The following PLA2G5 variants were observed in gnomAD, a reference collection of about 807,000 sequenced individuals.
PLA2G5 encodes phospholipase A2 group V, also known as Ca2+-dependent phospholipase A2.
Under a neutral mutation model 15.9 loss-of-function variants are expected in PLA2G5, and 12 were observed. That is an observed-to-expected ratio of 0.76 (90% CI 0.48 to 1.23). PLA2G5 has a LOEUF of 1.23. Ranked by LOEUF, PLA2G5 falls within the 50% of genes most tolerant of loss-of-function variation. The probability of loss-of-function intolerance (pLI) is 0.00; values close to 1 mark genes in which losing one functional copy is unlikely to be tolerated. For synonymous variants in PLA2G5, 71 were observed against 71.4 expected (o/e 0.99, Z 0.03); for missense variants, 169 against 177.1 (o/e 0.95, Z 0.26).
chr1:20,091,203 C>T lies in PLA2G5; in HGVS notation c.*511C>T. On this transcript the variant is annotated 3_prime_UTR_variant, in exon 5 of 5. Transcript: ENST00000375108. ...CATTTTCCTCTGCTGTGGGGGATCG[C>T]TGGTGCCTCTTTCTCTGCCACTGGG... The T allele has an allele frequency of 6.6e-6, 1 of 152,582 alleles. No homozygotes were observed. Among genetic ancestry groups the T allele is most frequent in the East Asian group, 1.9e-4 (1 of 5,212 alleles). The allele number at this position is 152,582 out of a possible 1,614,324, so 9.5% of individuals were successfully genotyped here. A position where few individuals can be genotyped will look rare whatever the true frequency, so the allele number is the denominator to read the frequency against.
At chr1:20,081,367 G>T (rs776681241) in intron 1 of PLA2G5, among the ~76,000 whole-genome samples, 29 of 151,598 alleles carry the variant, frequency 1.9e-4, no homozygotes, top group Admixed American at 4.6e-4. Flanking sequence ...TTTTCTCCAG[G>T]TATGGGGAGG....
intron 1 of PLA2G5, among the ~76,000 whole-genome samples, chr1:20,049,517 T>A (rs965169155): frequency 6.6e-6 from 1 of 152,188 alleles, no homozygotes; most frequent in African/African-American, 2.4e-5. Context: ...CCACATATCA[T>A]GGGAAGGACA....
At chr1:20,042,697 A>G (rs373576950) in intron 1 of PLA2G5, among the ~76,000 whole-genome samples, 3 of 152,126 alleles carry the variant, frequency 2.0e-5, no homozygotes, top group African/African-American at 7.2e-5. Context: ...TCCAAAGGTG[A>G]AAGTACCTGA....
intron 1 of PLA2G5, among the ~76,000 whole-genome samples, chr1:20,072,040 G>A (rs557800767): frequency 1.3e-5 from 2 of 152,150 alleles, no homozygotes; most frequent in African/African-American, 2.4e-5. Flanking sequence ...CCCAGGTGGC[G>A]GAGGTTGCAG....
At chr1:20,032,212 T>C (rs2012992843) in intron 1 of PLA2G5, among the ~76,000 whole-genome samples, 1 of 152,176 alleles carries the variant, frequency 6.6e-6, no homozygotes, top group East Asian at 1.9e-4. Flanking sequence ...GGAATGCCCA[T>C]TTAATGTTTA....
Position 20,086,177 on chromosome 1 carries a change from C to T in PLA2G5, c.135C>T (p.Gly45=). Residue 45 remains glycine, a synonymous_variant, in exon 3 of 5, where the codon GGC becomes GGT. Transcript: ENST00000375108. ...KNALTNYGFY[G]CYCGWGGRGT... ...CCCTGACAAACTACGGCTTCTACGGCTGTTACTGCGGCTGGGGCGGCCGAG... is the reference window on the plus strand; with the variant it reads ...CCCTGACAAACTACGGCTTCTACGGTTGTTACTGCGGCTGGGGCGGCCGAG... 1 of 1,614,124 alleles carries T rather than the reference C, an allele frequency of 6.2e-7. No individual in the cohort carries two copies. The highest frequency in any genetic ancestry group is 8.5e-7 in the Non-Finnish European group (1 of 1,180,012).
chr1:20,088,130 G>A (rs1187667435), intron 3 of PLA2G5, among the ~76,000 whole-genome samples: 1 of 152,248 alleles, frequency 6.6e-6, no homozygotes, highest in Non-Finnish European at 1.5e-5. Context: ...GGCCAAGACA[G>A]GTGGATGACC....
intron 2 of PLA2G5, among the ~76,000 whole-genome samples, chr1:20,060,416 G>C (rs981796378): frequency 6.6e-6 from 1 of 151,648 alleles, no homozygotes; most frequent in Non-Finnish European, 1.5e-5. Flanking sequence ...ACCACGCTAG[G>C]CTATTTTTGT....
chr1:20,051,532 A>C (rs2014177909), intron 1 of PLA2G5, among the ~76,000 whole-genome samples: 1 of 152,216 alleles, frequency 6.6e-6, no homozygotes, highest in African/African-American at 2.4e-5. Flanking sequence ...ATGGAACAAA[A>C]TTTAGAACAT....
At position 20,075,102 on chromosome 1, in the gene PLA2G5, G is replaced by A. The variant is rs187818950; in HGVS notation, c.-11+4637G>A. 1.1e-4 allele frequency among the ~76,000 whole-genome samples: 17 copies of A among 152,334 alleles called. No individual in the cohort carries two copies. In the South Asian group the frequency reaches 1.9e-3, roughly 17 times the overall value. On this transcript the variant is annotated intron_variant, in intron 1 of 4. Coordinates refer to ENST00000375108, the MANE Select transcript of PLA2G5 (RefSeq NM_000929.3). Reference sequence around the variant, plus strand: ...GACTAGTACTGGGTTTGGGGGTCACGCATGTGATTGCTGAGCTGTGTTACC... The same window carrying A: ...GACTAGTACTGGGTTTGGGGGTCACACATGTGATTGCTGAGCTGTGTTACC...
At chr1:20,070,974 C>T (rs1234422588) in intron 1 of PLA2G5, 1 of 152,168 alleles carries the variant, frequency 6.6e-6, no homozygotes, top group African/African-American at 2.4e-5. Flanking sequence ...AGATCTTTCT[C>T]CTCCCTTCCT....
intron 1 of PLA2G5, among the ~76,000 whole-genome samples, chr1:20,041,523 G>C (rs1359535374): frequency 6.6e-6 from 1 of 152,162 alleles, no homozygotes; most frequent in Admixed American, 6.5e-5. Context: ...CTCTGAGCTT[G>C]ATGTCTAGGG....
At chr1:20,084,891 C>A in intron 2 of PLA2G5, 21 bp downstream of exon 2, 1 of 1,575,346 alleles carries the variant, frequency 6.3e-7, no homozygotes, top group Non-Finnish European at 8.7e-7. Context: ...GCCCCGTGAC[C>A]TTCGAATGAA....
upstream of PLA2G5, among the ~76,000 whole-genome samples, chr1:20,065,761 G>A (rs1332781674): frequency 6.6e-6 from 1 of 152,166 alleles, no homozygotes; most frequent in Non-Finnish European, 1.5e-5. Flanking sequence ...GTTTTTGAGT[G>A]ACCATAAGTT....
chr1:20,072,497 G>T (rs2015430048), intron 1 of PLA2G5, among the ~76,000 whole-genome samples: 1 of 152,182 alleles, frequency 6.6e-6, no homozygotes, highest in Admixed American at 6.5e-5. Flanking sequence ...GGGAGAGAGA[G>T]ACAGAGAAAG....
chr1:20,051,493 A>T (rs1207153085), intron 1 of PLA2G5, among the ~76,000 whole-genome samples: 1 of 152,216 alleles, frequency 6.6e-6, no homozygotes, highest in Non-Finnish European at 1.5e-5. Context: ...TTGAGCTATT[A>T]ACAGCTTTTA....
intron 1 of PLA2G5, among the ~76,000 whole-genome samples, chr1:20,032,066 C>T (rs2012982661): frequency 6.6e-6 from 1 of 152,048 alleles, no homozygotes; most frequent in Non-Finnish European, 1.5e-5. Flanking sequence ...GGGCATGGCT[C>T]ATAAACCCAT....
intron 1 of PLA2G5, among the ~76,000 whole-genome samples, chr1:20,072,376 G>C (rs529099918): frequency 6.6e-6 from 1 of 152,164 alleles, no homozygotes. Context: ...CACATGATAC[G>C]TGCTTGCTAA....
At position 20,073,276 on chromosome 1, in the gene PLA2G5, C is replaced by A. The variant is rs549086769; in HGVS notation, c.-11+2811C>A. Among the ~76,000 whole-genome samples, 9 of 152,298 alleles carry A rather than the reference C, an allele frequency of 5.9e-5. No individual in the cohort carries two copies. In the South Asian group the frequency reaches 1.2e-3, roughly 21 times the overall value. On this transcript the variant is annotated intron_variant, in intron 1 of 4. Coordinates refer to ENST00000375108, the MANE Select transcript of PLA2G5 (RefSeq NM_000929.3). ...TCATGGGAGATTTCTTAAGAGTGAACAGTTTAATGGATTACATTTTTCAAA... is the reference window on the plus strand; with the variant it reads ...TCATGGGAGATTTCTTAAGAGTGAAAAGTTTAATGGATTACATTTTTCAAA...
Sources: allele counts gnomAD v4.1 joint callset (sites outside exome capture counted in the v4.1 genomes callset), GRCh38; gene constraint gnomAD v4.1.1; transcripts MANE v1.5; gene names NCBI Gene and HGNC (gene_info 2026-07-23, HGNC 2026-07-21).